The following ALPK2 variants were observed in gnomAD, a reference collection of about 807,000 sequenced individuals.
ALPK2 encodes the protein alpha-protein kinase 2.
Under a neutral mutation model 163.1 loss-of-function variants are expected in ALPK2, and 127 were observed. That is an observed-to-expected ratio of 0.78 (90% CI 0.67 to 0.90). The LOEUF (loss-of-function observed/expected upper bound fraction) is 0.90, where lower values mean the gene tolerates loss of function less well. Among genes scored for constraint, ALPK2 ranks in the 40% least tolerant of loss-of-function variants. ALPK2 has a pLI of 0.00. For synonymous variants in ALPK2, 953 were observed against 959.1 expected, an observed-to-expected ratio of 0.99 and a Z score of 0.12; for missense variants, 2,360 against 2,589.6, an observed-to-expected ratio of 0.91 and a Z score of 1.92.
rs768814548 is a variant in ALPK2, at chr18:58,579,564, G to A, written c.1212C>T (p.His404=). 2 of 1,613,470 alleles carry A rather than the reference G, an allele frequency of 1.2e-6. No individual in the cohort carries two copies. Among genetic ancestry groups the A allele is most frequent in the African/African-American group, 2.7e-5 (2 of 75,000 alleles). ...MVATAGFCGH[H]SQPQEVGVRS... ...TCACCCCAACTTCTTGGGGTTGTGA[G>A]TGATGACCACAGAAGCCAGCAGTGG... The change falls in exon 4 of 13, where the codon CAC becomes CAT. Residue 404 remains histidine (H), a synonymous_variant. Transcript: ENST00000361673.
rs1183140059 is a variant in ALPK2 at position 58,536,875 on chromosome 18, A to G, written c.3312T>C (p.Asp1104=). 1 of 1,614,180 alleles carries G rather than the reference A, an allele frequency of 6.2e-7. No individual in the cohort carries two copies. Among genetic ancestry groups the G allele is most frequent in the Non-Finnish European group, 8.5e-7 (1 of 1,180,032 alleles). The change falls in exon 5 of 13, where the codon GAT becomes GAC. Residue 1104 remains aspartate (D), a synonymous_variant. Coordinates refer to ENST00000361673, the MANE Select transcript of ALPK2 (RefSeq NM_052947.4). The part of the protein sequence containing the change: ...GFCSNSPLQV[D]NLSGDKSQTV... ...TCTGGCTCTTATCTCCAGACAGGTTATCAACCTGAAGAGGGGAATTACTGC... is the reference window on the plus strand; with the variant it reads ...TCTGGCTCTTATCTCCAGACAGGTTGTCAACCTGAAGAGGGGAATTACTGC...
Position 58,580,433 on chromosome 18 carries a change from G to A in ALPK2, c.343C>T (p.Pro115Ser). 1.9e-6 allele frequency: 3 copies of A among 1,614,144 alleles called. No homozygotes were observed. The highest frequency in any genetic ancestry group is 2.2e-5 in the South Asian group (2 of 91,066). The change falls in exon 4 of 13, where the codon CCT (proline) becomes TCT (serine). Residue 115 changes from proline to serine, a missense_variant. Pro to Ser is a moderately conservative substitution (Grantham distance 74, BLOSUM62 -1). Coordinates refer to ENST00000361673, the MANE Select transcript of ALPK2 (RefSeq NM_052947.4). ...ECSSENPQLS[P>S]NLEDDRDRGW... is the part of the protein sequence containing the mutation. ...CTGTCCCTGTCATCTTCCAGGTTAG[G>A]AGACAATTGTGGGTTCTCTGATGAG...
chr18:58,563,313 G>C lies in ALPK2; in HGVS notation c.1962+15501C>G, dbSNP rs564801347. Among the ~76,000 whole-genome samples, 5 of 152,286 alleles carry C rather than the reference G, an allele frequency of 3.3e-5. No individual in the cohort carries two copies. In the South Asian group the frequency reaches 8.3e-4, roughly 25 times the overall value. On this transcript the variant is annotated intron_variant, in intron 4 of 12. Coordinates refer to ENST00000361673, the MANE Select transcript of ALPK2 (RefSeq NM_052947.4). ...TTCGTCTCTTAAAGGATTTTTAAAA[G>C]CTGTAGTATTATAATATGCATCCTA...
Position 58,579,340 on chromosome 18 carries a change from A to C in ALPK2, c.1436T>G (p.Phe479Cys), listed in dbSNP as rs1180327895. ...CATGTTGAGCAGATTGTCACTGGCA[A>C]ATTCCTCTCTTGCTTGGTGGCTGTC... ...TRDSHQAREEFASDNLLNMDE... is the reference protein window; with the variant it reads ...TRDSHQAREECASDNLLNMDE... Residue 479 changes from phenylalanine (F) to cysteine (C), a missense_variant, in exon 4 of 13, where the codon TTT becomes TGT. Transcript: ENST00000361673. 6.2e-7 allele frequency: 1 copy of C among 1,614,090 alleles called. No individual in the cohort carries two copies. Among genetic ancestry groups the C allele is most frequent in the Admixed American group, 1.7e-5 (1 of 60,022 alleles).
chr18:58,498,177 G>A, intron 11 of ALPK2, 80 bp from the exon 12 acceptor site: 3 of 1,347,060 alleles, frequency 2.2e-6, no homozygotes, highest in Admixed American at 1.7e-5. Context: ...CCCCAGGGAA[G>A]GGGTAATGAC....
chr18:58,515,761 C>T (rs921024458), intron 9 of ALPK2, among the ~76,000 whole-genome samples: 1 of 152,212 alleles, frequency 6.6e-6, no homozygotes, highest in Non-Finnish European at 1.5e-5. Flanking sequence ...ATGCTTAATG[C>T]TTGACTGTAC....
chr18:58,610,072 A>G (rs774185414), intron 2 of ALPK2, among the ~76,000 whole-genome samples: 3 of 152,038 alleles, frequency 2.0e-5, no homozygotes, highest in Non-Finnish European at 4.4e-5. Flanking sequence ...AAATGGGATC[A>G]GAGACCAACC....
chr18:58,569,061 A>C lies in ALPK2; in HGVS notation c.1962+9753T>G, dbSNP rs1238411733. On this transcript the variant is annotated intron_variant, in intron 4 of 12. Coordinates refer to ENST00000361673, the MANE Select transcript of ALPK2 (RefSeq NM_052947.4). The stretch of plus-strand genomic sequence containing the variant: ...AAACCCCATCTCTACTAAAAATAGA[A>C]AAATTAGCCAGGTGTAGTGGCATGT... Among the ~76,000 whole-genome samples, 7 of 152,320 alleles carry C rather than the reference A, an allele frequency of 4.6e-5. No homozygotes were observed. The East Asian group carries it at 1.2e-3, about 25-fold the overall frequency.
chr18:58,627,216 A>G (rs1218905371), intron 1 of ALPK2, among the ~76,000 whole-genome samples: 2 of 152,230 alleles, frequency 1.3e-5, no homozygotes, highest in Non-Finnish European at 2.9e-5. Flanking sequence ...GAGGCTGTTA[A>G]AAACTCATGA....
At chr18:58,610,913 G>A (rs370819745) in intron 2 of ALPK2, among the ~76,000 whole-genome samples, 61 of 152,248 alleles carry the variant, frequency 4.0e-4, no homozygotes, top group African/African-American at 1.4e-3. Flanking sequence ...TGACCAACAT[G>A]GTGAAACCCC....
At chr18:58,484,407 G>A (rs888572575) in intron 12 of ALPK2, among the ~76,000 whole-genome samples, 1 of 152,166 alleles carries the variant, frequency 6.6e-6, no homozygotes, top group African/African-American at 2.4e-5. Flanking sequence ...TGATGAATAC[G>A]ATGCAGGGGA....
chr18:58,538,896 C>T (rs1215317786), intron 4 of ALPK2, among the ~76,000 whole-genome samples: 1 of 151,686 alleles, frequency 6.6e-6, no homozygotes, highest in African/African-American at 2.4e-5. Flanking sequence ...ACCATCCCCA[C>T]CCCCACCCTG....
Position 58,481,994 on chromosome 18 carries a change from C to T in ALPK2, c.6342G>A (p.Gln2114=). Reference sequence around the variant, plus strand: ...TGTTACACTGGTGTAGTGCTTTAAACTGATCAATGAAGGTCATGGAACAGT... The same window carrying T: ...TGTTACACTGGTGTAGTGCTTTAAATTGATCAATGAAGGTCATGGAACAGT... ...KGNCSMTFID[Q]FKALHQCNKY... is the part of the protein sequence containing the mutation. The change falls in exon 13 of 13, where the codon CAG becomes CAA. Residue 2114 remains glutamine (Q), a synonymous_variant. Transcript: ENST00000361673. 6.2e-7 allele frequency: 1 copy of T among 1,614,168 alleles called. No individual in the cohort carries two copies. Among genetic ancestry groups the T allele is most frequent in the Admixed American group, 1.7e-5 (1 of 60,028 alleles).
At position 58,607,390 on chromosome 18, in the gene ALPK2, A is replaced by G; in HGVS notation, c.159T>C (p.Asp53=). Residue 53 remains aspartate (D), a synonymous_variant, in exon 3 of 13, where the codon GAT becomes GAC. Coordinates refer to ENST00000361673, the MANE Select transcript of ALPK2 (RefSeq NM_052947.4). ...VTWYKNGQAI[D]GSGIISNYEF... ...CATAGTTGGAAATAATGCCACTCCC[A>G]TCGATGGCCTGACCATTCTTATACC... is the stretch of plus-strand genomic sequence containing the variant. 6.2e-7 allele frequency: 1 copy of G among 1,613,818 alleles called. No individual in the cohort carries two copies. Among genetic ancestry groups the G allele is most frequent in the South Asian group, 1.1e-5 (1 of 91,028 alleles).
Position 58,538,051 on chromosome 18 carries a change from G to T in ALPK2, c.2136C>A (p.Pro712=), listed in dbSNP as rs1294662372. ...ASLAQHSEVK[P]CTCGPQHEEK... is the part of the protein sequence containing the mutation. ...CTTCATGCTGTGGACCACAGGTACA[G>T]GGTTTGACCTCCGAGTGTTGAGCTA... Residue 712 remains proline, a synonymous_variant, in exon 5 of 13, where the codon CCC becomes CCA. Transcript: ENST00000361673. The T allele has an allele frequency of 8.7e-6, 14 of 1,614,166 alleles. No individual in the cohort carries two copies. Among genetic ancestry groups the T allele is most frequent in the Non-Finnish European group, 1.2e-5 (14 of 1,180,008 alleles).
chr18:58,536,561 C>T lies in ALPK2; in HGVS notation c.3626G>A (p.Ser1209Asn). 5 of 1,614,000 alleles carry T rather than the reference C, an allele frequency of 3.1e-6. No homozygotes were observed. Among genetic ancestry groups the T allele is most frequent in the Non-Finnish European group, 4.2e-6 (5 of 1,180,024 alleles). ...GATATCAGAGAGAGATGGAACGTTG[C>T]TCAGAGCCTGACTGTCTTCTTCCCC... ...TAGEEDSQAL[S>N]NVPSLSDILL... Residue 1209 changes from serine to asparagine, a missense_variant, in exon 5 of 13, where the codon AGC (serine) becomes AAC (asparagine). Physicochemically the swap from Ser to Asn is conservative, Grantham distance 46. Transcript: ENST00000361673.
intron 12 of ALPK2, among the ~76,000 whole-genome samples, chr18:58,483,009 A>G (rs1182960284): frequency 6.6e-6 from 1 of 152,082 alleles, no homozygotes; most frequent in Non-Finnish European, 1.5e-5. Context: ...AAATCCACAA[A>G]TCCCATGTAC....
Position 58,537,123 on chromosome 18 carries a change from A to G in ALPK2, c.3064T>C (p.Tyr1022His). The G allele has an allele frequency of 1.2e-6, 2 of 1,614,160 alleles. No homozygotes were observed. Among genetic ancestry groups the G allele is most frequent in the African/African-American group, 1.3e-5 (1 of 75,048 alleles). ...TCCTCAGGAATTGACACAGCAAGGT[A>G]TTTGGCTGGGTGGACTTCGGTGGCA... ...TIATEVHPAK[Y>H]LAVSIPEDKH... The change falls in exon 5 of 13, where the codon TAC becomes CAC. Residue 1022 changes from tyrosine (Y) to histidine (H), a missense_variant. Physicochemically the swap from Tyr to His is moderately conservative, Grantham distance 83. Transcript: ENST00000361673.
At chr18:58,526,843 T>C (rs2051587425) in intron 6 of ALPK2, among the ~76,000 whole-genome samples, 1 of 152,238 alleles carries the variant, frequency 6.6e-6, no homozygotes, top group Non-Finnish European at 1.5e-5. Context: ...ATCACAGTCA[T>C]TGTTCAACAG....
Sources: allele counts gnomAD v4.1 joint callset (sites outside exome capture counted in the v4.1 genomes callset), GRCh38; gene constraint gnomAD v4.1.1; transcripts MANE v1.5; gene names NCBI Gene and HGNC (gene_info 2026-07-23, HGNC 2026-07-21).